SLC25A37: variants seen among roughly 807,000 people sequenced by gnomAD.
SLC25A37 encodes mitoferrin-1.
Under a neutral mutation model 31.0 loss-of-function variants are expected in SLC25A37, and 17 were observed. The ratio of observed to expected loss-of-function variants is 0.55; its 90% CI spans 0.38 to 0.82. The LOEUF is 0.82. SLC25A37 is among the 40% of genes least tolerant of loss of function. The probability of loss-of-function intolerance (pLI) is 0.00; values close to 1 mark genes in which losing one functional copy is unlikely to be tolerated. For missense variants in SLC25A37, 404 were observed against 465.8 expected, an observed-to-expected ratio of 0.87 and a Z score of 1.22; for synonymous variants, 222 against 193.0, an observed-to-expected ratio of 1.15 and a Z score of -1.24.
At chr8:23,530,463 G>A (rs1418743778) in intron 1 of SLC25A37, among the ~76,000 whole-genome samples, 1 of 152,250 alleles carries the variant, frequency 6.6e-6, no homozygotes, top group Admixed American at 6.5e-5. Context: ...GGAGCCAGCA[G>A]TCAGTGTCTG....
intron 1 of SLC25A37, among the ~76,000 whole-genome samples, chr8:23,534,028 GC>G: frequency 6.6e-6 from 1 of 152,126 alleles, no homozygotes; most frequent in East Asian, 1.9e-4. Flanking sequence ...GCTCACTGCA[GC>G]CTTGACCTCC....
chr8:23,544,850 C>T (rs985963757), intron 1 of SLC25A37, among the ~76,000 whole-genome samples: 1 of 152,140 alleles, frequency 6.6e-6, no homozygotes, highest in Non-Finnish European at 1.5e-5. Context: ...CCTCTCTGTT[C>T]TGAAATCTTA....
chr8:23,535,681 A>G (rs1321058647), intron 1 of SLC25A37, among the ~76,000 whole-genome samples: 1 of 152,244 alleles, frequency 6.6e-6, no homozygotes, highest in Non-Finnish European at 1.5e-5. Flanking sequence ...TAATTTATAC[A>G]GAAAGAGGTT....
intron 1 of SLC25A37, among the ~76,000 whole-genome samples, chr8:23,537,585 A>C (rs1585443953): frequency 6.6e-6 from 1 of 152,360 alleles, no homozygotes; most frequent in African/African-American, 2.4e-5. Context: ...CTCATCGGAA[A>C]TAGAGAAGAG....
Position 23,529,245 on chromosome 8 carries a change from A to G in SLC25A37, c.210+33A>G, listed in dbSNP as rs758510785. 124 of 1,585,910 alleles carry G rather than the reference A, an allele frequency of 7.8e-5. No homozygotes were observed. Among genetic ancestry groups the G allele is most frequent in the Non-Finnish European group, 1.0e-4 (119 of 1,166,858 alleles). ...GCGGGGAGACTTCGGGGACGCAACG[A>G]GCGGAGAAGGAGCGCGCGCGCGCAT... On this transcript the variant is annotated intron_variant, in intron 1 of 3. Coordinates refer to ENST00000519973, the MANE Select transcript of SLC25A37 (RefSeq NM_016612.4). This position sits in a 1 kb window ranked among gnomAD's most constrained non-coding sequence, Gnocchi z 4.1.
chr8:23,540,840 G>T lies in SLC25A37; in HGVS notation c.210+11628G>T, dbSNP rs550449688. 5.3e-5 allele frequency among the ~76,000 whole-genome samples: 8 copies of T among 152,280 alleles called. No homozygotes were observed. The South Asian group carries it at 1.7e-3, about 32-fold the overall frequency. ...TGCCTCCCCTGGCAGGTCCGCTTACGCATGTAGTGAGAAAATACAGGCAGG... is the reference window on the plus strand; with the variant it reads ...TGCCTCCCCTGGCAGGTCCGCTTACTCATGTAGTGAGAAAATACAGGCAGG... On this transcript the variant is annotated intron_variant, in intron 1 of 3. Coordinates refer to ENST00000519973, the MANE Select transcript of SLC25A37 (RefSeq NM_016612.4).
chr8:23,543,562 C>T (rs904202450), intron 1 of SLC25A37, among the ~76,000 whole-genome samples: 1 of 152,170 alleles, frequency 6.6e-6, no homozygotes, highest in African/African-American at 2.4e-5. Flanking sequence ...ATGCCCTACA[C>T]AGGTGTACCA....
At position 23,529,044 on chromosome 8, in the gene SLC25A37, G is replaced by A. The variant is rs369628796; in HGVS notation, c.42G>A (p.Ala14=). The change falls in exon 1 of 4, where the codon GCG becomes GCA. Residue 14 remains alanine, a synonymous_variant. Coordinates refer to ENST00000519973, the MANE Select transcript of SLC25A37 (RefSeq NM_016612.4). The surrounding 1 kb of genome is among the most constrained non-coding windows in gnomAD (Gnocchi z 4.1). ...GGAGCGTGGGCAGCCAGGCGGTGGC[G>A]CGGAGGATGGATGGGGACAGCCGAG... The part of the protein sequence containing the change: ...RSGSVGSQAV[A]RRMDGDSRDG... The A allele has an allele frequency of 9.6e-6, 15 of 1,566,752 alleles. No individual in the cohort carries two copies. In the African/African-American group the frequency reaches 1.8e-4, roughly 19 times the overall value.
chr8:23,540,913 C>G (rs909844383), intron 1 of SLC25A37, among the ~76,000 whole-genome samples: 1 of 152,174 alleles, frequency 6.6e-6, no homozygotes, highest in Non-Finnish European at 1.5e-5. Flanking sequence ...TGTGCAGGTG[C>G]TAGGTCATGG....
intron 1 of SLC25A37, among the ~76,000 whole-genome samples, chr8:23,565,470 TAACA>T (rs1280464223): frequency 6.9e-6 from 1 of 145,960 alleles, no homozygotes; most frequent in Admixed American, 7.2e-5. Context: ...TTTACTTTCT[TAACA>T]AACTTGCTTT....
intron 1 of SLC25A37, among the ~76,000 whole-genome samples, chr8:23,542,537 G>A (rs528220028): frequency 1.3e-5 from 2 of 151,918 alleles, no homozygotes; most frequent in East Asian, 1.9e-4. Flanking sequence ...GCACCGCCAC[G>A]CACGGCTAAT....
intron 1 of SLC25A37, among the ~76,000 whole-genome samples, chr8:23,540,196 T>G (rs531381951): frequency 6.6e-6 from 1 of 152,342 alleles, no homozygotes; most frequent in Non-Finnish European, 1.5e-5. Context: ...AAACTGAACT[T>G]CAGAAAAATT....
chr8:23,529,080 C>T lies in SLC25A37; in HGVS notation c.78C>T (p.Gly26=), dbSNP rs1052206957. The T allele has an allele frequency of 2.5e-6, 4 of 1,599,086 alleles. No individual in the cohort carries two copies. In the African/African-American group the frequency reaches 5.4e-5, roughly 22 times the overall value. ...ATGGGGACAGCCGAGATGGCGGCGG[C>T]GGCAAGGACGCCACCGGGTCGGAGG... The part of the protein sequence containing the change: ...RMDGDSRDGG[G]GKDATGSEDY... The change falls in exon 1 of 4, where the codon GGC becomes GGT. Residue 26 remains glycine (G), a synonymous_variant. Coordinates refer to ENST00000519973, the MANE Select transcript of SLC25A37 (RefSeq NM_016612.4). This position sits in a 1 kb window ranked among gnomAD's most constrained non-coding sequence, Gnocchi z 4.1.
At chr8:23,566,938 C>A in intron 2 of SLC25A37, 2 of 591,176 alleles carry the variant, frequency 3.4e-6, no homozygotes, top group African/African-American at 2.0e-5. Context: ...CATCTCTCTG[C>A]AAGCAAGGGC....
chr8:23,570,136 G>T (rs1022602375), intron 3 of SLC25A37, among the ~76,000 whole-genome samples: 1 of 152,134 alleles, frequency 6.6e-6, no homozygotes, highest in Middle Eastern at 3.2e-3. Flanking sequence ...CGATGGGCAG[G>T]TGAAGAAAAT....
At chr8:23,554,583 T>C in intron 1 of SLC25A37, among the ~76,000 whole-genome samples, 1 of 152,210 alleles carries the variant, frequency 6.6e-6, no homozygotes, top group East Asian at 1.9e-4. Context: ...CTGGGTACAC[T>C]GGGCATGGGC....
chr8:23,546,809 T>C (rs1158561023), intron 1 of SLC25A37, among the ~76,000 whole-genome samples: 2 of 152,056 alleles, frequency 1.3e-5, no homozygotes, highest in South Asian at 2.1e-4. Context: ...TAGCTACTTA[T>C]TTGTTTTTAA....
At position 23,571,759 on chromosome 8, in the gene SLC25A37, C is replaced by T; in HGVS notation, c.921C>T (p.Ile307=). 6.2e-7 allele frequency: 1 copy of T among 1,614,066 alleles called. No homozygotes were observed. Among genetic ancestry groups the T allele is most frequent in the South Asian group, 1.1e-5 (1 of 91,082 alleles). ...GYFKGIQARV[I]YQMPSTAISW... Reference sequence around the variant, plus strand: ...TCAAAGGCATCCAGGCGCGTGTCATCTACCAGATGCCCTCCACCGCCATTT... The same window carrying T: ...TCAAAGGCATCCAGGCGCGTGTCATTTACCAGATGCCCTCCACCGCCATTT... The change falls in exon 4 of 4, where the codon ATC becomes ATT. Residue 307 remains isoleucine (I), a synonymous_variant. Coordinates refer to ENST00000519973, the MANE Select transcript of SLC25A37 (RefSeq NM_016612.4).
intron 3 of SLC25A37, among the ~76,000 whole-genome samples, chr8:23,570,815 A>G (rs1292808315): frequency 7.9e-5 from 12 of 152,240 alleles, no homozygotes; most frequent in Non-Finnish European, 4.4e-5. Flanking sequence ...TTGGGCAGAC[A>G]TAATTCTAGT....
Sources: gnomAD v4.1 joint callset for allele counts (sites outside exome capture counted in the v4.1 genomes callset) on GRCh38, gnomAD v4.1.1 for gene constraint, Gnocchi (gnomAD v3.1) non-coding constraint, MANE v1.5 for transcripts, NCBI Gene and HGNC (gene_info 2026-07-23, HGNC 2026-07-21) for gene names.